PCDHA1: variants seen among roughly 807,000 people sequenced by gnomAD.
PCDHA1 encodes the protein protocadherin alpha 1.
Under a neutral mutation model 61.3 loss-of-function variants are expected in PCDHA1, and 42 were observed. That is an observed-to-expected ratio of 0.69 (90% CI 0.54 to 0.89). PCDHA1 has a LOEUF of 0.89. Ranked by LOEUF, PCDHA1 falls within the 40% of genes least tolerant of loss-of-function variation. The pLI, the probability that PCDHA1 is intolerant of heterozygous loss-of-function variation, is 0.00. For synonymous variants in PCDHA1, 610 were observed against 553.8 expected, an observed-to-expected ratio of 1.10 and a Z score of -1.43; for missense variants, 1,256 against 1,235.3, an observed-to-expected ratio of 1.02 and a Z score of -0.25.
intron 1 of PCDHA1, chr5:140,870,384 G>A: frequency 6.2e-7 from 1 of 1,614,230 alleles, no homozygotes; most frequent in African/African-American, 1.3e-5. Context: ...TGACTGCGCG[G>A]GATGGGGGTT....
At chr5:140,966,198 T>C in intron 1 of PCDHA1, 1 of 214,428 alleles carries the variant, frequency 4.7e-6, no homozygotes, top group Non-Finnish European at 9.1e-6. Context: ...TTCTAGGGGC[T>C]TGACTGCTTT....
intron 1 of PCDHA1, chr5:140,884,792 G>T: frequency 7.6e-7 from 1 of 1,312,776 alleles, no homozygotes; most frequent in Non-Finnish European, 1.0e-6. Context: ...AGTTGTTATC[G>T]AATTTAACAA....
chr5:140,946,527 G>A (rs1414920308), intron 1 of PCDHA1, among the ~76,000 whole-genome samples: 1 of 150,718 alleles, frequency 6.6e-6, no homozygotes, highest in Non-Finnish European at 1.5e-5. Flanking sequence ...GCACTCCCAT[G>A]TTCATTGCAG....
At chr5:141,004,919 T>A (rs144687292) in intron 3 of PCDHA1, among the ~76,000 whole-genome samples, 2 of 152,264 alleles carry the variant, frequency 1.3e-5, no homozygotes, top group East Asian at 3.9e-4. Flanking sequence ...GGAAAAGGGT[T>A]TGGAAGAGAG....
Position 140,871,086 on chromosome 5 carries a change from G to C in PCDHA1, c.2394+82402G>C, listed in dbSNP as rs556097993. The C allele has an allele frequency of 1.9e-6, 3 of 1,613,256 alleles. No individual in the cohort carries two copies. In the South Asian group the frequency reaches 3.3e-5, roughly 18 times the overall value. ...ACGGTGAGCCGGCGCTGACGGCCAC[G>C]GCCACCGTGCTGGTGTCGTTGGTGG... On this transcript the variant is annotated intron_variant, in intron 1 of 3. Coordinates refer to ENST00000504120, the MANE Select transcript of PCDHA1 (RefSeq NM_018900.4).
At position 141,010,062 on chromosome 5, in the gene PCDHA1, A is replaced by G. The variant is rs1310704954; in HGVS notation, c.*125A>G. The G allele has an allele frequency of 8.1e-6, 13 of 1,602,422 alleles. No individual in the cohort carries two copies. Among genetic ancestry groups the G allele is most frequent in the African/African-American group, 2.7e-5 (2 of 74,284 alleles). On this transcript the variant is annotated 3_prime_UTR_variant, in exon 4 of 4. Transcript: ENST00000504120. Reference sequence around the variant, plus strand: ...CCTCTTAGAGACCTCAGAAATCTGCAGAAAGTTCCCTGTGTCTGTCTAGAA... The same window carrying G: ...CCTCTTAGAGACCTCAGAAATCTGCGGAAAGTTCCCTGTGTCTGTCTAGAA...
At position 141,010,091 on chromosome 5, in the gene PCDHA1, A is replaced by G; in HGVS notation, c.*154A>G. The G allele has an allele frequency of 6.2e-7, 1 of 1,612,860 alleles. No individual in the cohort carries two copies. The highest frequency in any genetic ancestry group is 8.5e-7 in the Non-Finnish European group (1 of 1,179,382). ...AGTTCCCTGTGTCTGTCTAGAACGCATTTAACAGGTTTTGTCGTAAAAGCT... is the reference window on the plus strand; with the variant it reads ...AGTTCCCTGTGTCTGTCTAGAACGCGTTTAACAGGTTTTGTCGTAAAAGCT... On this transcript the variant is annotated 3_prime_UTR_variant, in exon 4 of 4. Coordinates refer to ENST00000504120, the MANE Select transcript of PCDHA1 (RefSeq NM_018900.4).
At chr5:140,802,201 C>G (rs1554121944) in intron 1 of PCDHA1, 7 of 1,614,232 alleles carry the variant, frequency 4.3e-6, no homozygotes, top group Non-Finnish European at 5.9e-6. Flanking sequence ...GATCACTGCA[C>G]AGTTCTACTC....
intron 1 of PCDHA1, chr5:140,796,277 C>A (rs782718624): frequency 1.9e-6 from 3 of 1,614,118 alleles, no homozygotes; most frequent in Non-Finnish European, 2.5e-6. Flanking sequence ...CTGTGGGCCA[C>A]CACCAGCGTG....
chr5:141,006,126 G>T (rs1554260581), intron 3 of PCDHA1, among the ~76,000 whole-genome samples: 1 of 151,330 alleles, frequency 6.6e-6, no homozygotes. Flanking sequence ...TTTTCTCAAG[G>T]CAGTAGAAAG....
chr5:140,985,128 G>C (rs908196925), intron 3 of PCDHA1, among the ~76,000 whole-genome samples: 1 of 152,056 alleles, frequency 6.6e-6, no homozygotes, highest in African/African-American at 2.4e-5. Context: ...TAGTAAAGAC[G>C]GGGTTTCACC....
intron 1 of PCDHA1, among the ~76,000 whole-genome samples, chr5:140,872,165 CT>C (rs781807025): frequency 1.6e-3 from 233 of 143,900 alleles, no homozygotes; most frequent in Middle Eastern, 3.6e-3. Context: ...ATTTACTTTT[CT>C]TTTTTTTTTT....
rs80155737 is a variant in PCDHA1, at chr5:140,924,458, T to C, written c.2395-54491T>C. Among the ~76,000 whole-genome samples, 1,228 of 152,310 alleles carry C rather than the reference T, an allele frequency of 8.1e-3. 6 individuals are homozygous for C. Among genetic ancestry groups the C allele is most frequent in the African/African-American group, 0.019 (794 of 41,566 alleles). On this transcript the variant is annotated intron_variant, in intron 1 of 3. Coordinates refer to ENST00000504120, the MANE Select transcript of PCDHA1 (RefSeq NM_018900.4). The stretch of plus-strand genomic sequence containing the variant: ...GAGATAACGAATGGGTTTGTGTGTT[T>C]AGGGAGGTAACTGGTTTTTAGTGGA...
At chr5:140,801,785 GA>G (rs782411180) in intron 1 of PCDHA1, 35 of 1,613,194 alleles carry the variant, frequency 2.2e-5, no homozygotes, top group South Asian at 5.5e-5. Flanking sequence ...GACTCGTGTT[GA>G]AAAAAAATTT....
intron 1 of PCDHA1, chr5:140,821,809 C>T: frequency 1.9e-6 from 3 of 1,613,446 alleles, no homozygotes; most frequent in Admixed American, 1.7e-5. Context: ...TCTGGGATCC[C>T]GGCTCCTGCT....
At chr5:140,921,744 A>T (rs1554200416) in intron 1 of PCDHA1, among the ~76,000 whole-genome samples, 1 of 152,158 alleles carries the variant, frequency 6.6e-6, no homozygotes. Context: ...TATAAGCATA[A>T]CAGGACACTT....
At chr5:140,802,609 G>C (rs1194686534) in intron 1 of PCDHA1, 9 of 1,613,854 alleles carry the variant, frequency 5.6e-6, no homozygotes, top group Non-Finnish European at 7.6e-6. Context: ...AACCCGCCGG[G>C]CTGCCACATC....
In PCDHA1 at chr5:140,788,084, CGCCGACTCGG is replaced by C. The variant is rs782737398; in HGVS notation, c.1797_1806del (p.Asp600ThrfsTer48). ...TGGTGGCGAAGGTGCGCGCAGTGGA[CGCCGACTCGG>C]GCTACAACGCGTGGCTGTCCTATGA... On this transcript the variant is annotated frameshift_variant, in exon 1 of 4. Coordinates refer to ENST00000504120, the MANE Select transcript of PCDHA1 (RefSeq NM_018900.4). LOFTEE classifies it high-confidence loss of function. 6.2e-7 allele frequency: 1 copy of C among 1,613,996 alleles called. No individual in the cohort carries two copies. Among genetic ancestry groups the C allele is most frequent in the South Asian group, 1.1e-5 (1 of 91,082 alleles).
chr5:140,787,117 A>G lies in PCDHA1; in HGVS notation c.827A>G (p.Glu276Gly). The G allele has an allele frequency of 6.2e-7, 1 of 1,614,124 alleles. No homozygotes were observed. Residue 276 changes from glutamate (E) to glycine (G), a missense_variant, in exon 1 of 4, where the codon GAA (glutamate) becomes GGA (glycine). Physicochemically the swap from Glu to Gly is moderately conservative, Grantham distance 98 (BLOSUM62 -2). Transcript: ENST00000504120. Reference protein sequence around the residue: ...ASDADEGVNGEVVFSFDSGIS... With the variant: ...ASDADEGVNGGVVFSFDSGIS... The stretch of plus-strand genomic sequence containing the variant: ...GATGCTGACGAAGGTGTAAATGGTG[A>G]AGTCGTCTTTTCCTTTGACAGTGGT...
Sources: gnomAD v4.1 joint callset for allele counts (sites outside exome capture counted in the v4.1 genomes callset) on GRCh38, gnomAD v4.1.1 for gene constraint, MANE v1.5 for transcripts, NCBI Gene and HGNC (gene_info 2026-07-23, HGNC 2026-07-21) for gene names.